The following ST8SIA2 variants were observed in gnomAD, a reference collection of about 807,000 sequenced individuals.
ST8SIA2 encodes the protein ST8 alpha-N-acetyl-neuraminide alpha-2,8-sialyltransferase 2, also known as alpha-2,8-sialyltransferase 8B.
In ST8SIA2, 22 loss-of-function variants were observed where a neutral mutation model predicts 37.6. The observed-to-expected ratio is 0.58, with a 90% confidence interval of 0.42 to 0.83. ST8SIA2 has a LOEUF of 0.83. Among genes scored for constraint, ST8SIA2 ranks in the 40% least tolerant of loss-of-function variants. The probability of loss-of-function intolerance (pLI) is 0.00; values close to 1 mark genes in which losing one functional copy is unlikely to be tolerated. For missense variants in ST8SIA2, 382 were observed against 484.7 expected, an observed-to-expected ratio of 0.79 and a Z score of 1.99; for synonymous variants, 205 against 201.2, an observed-to-expected ratio of 1.02 and a Z score of -0.16.
intron 1 of ST8SIA2, among the ~76,000 whole-genome samples, chr15:92,401,919 A>G (rs1360670075): frequency 6.6e-6 from 1 of 152,132 alleles, no homozygotes; most frequent in Non-Finnish European, 1.5e-5. Context: ...CAGAAAAAAA[A>G]AAAAAAGTGC....
chr15:92,427,543 CA>C (rs2049685819), intron 1 of ST8SIA2, among the ~76,000 whole-genome samples: 1 of 152,138 alleles, frequency 6.6e-6, no homozygotes, highest in African/African-American at 2.4e-5. Flanking sequence ...AATCTGTCGA[CA>C]TTTTTTTTTG....
At chr15:92,397,467 A>C (rs1289513498) in intron 1 of ST8SIA2, among the ~76,000 whole-genome samples, 1 of 152,198 alleles carries the variant, frequency 6.6e-6, no homozygotes, top group Non-Finnish European at 1.5e-5. Context: ...GGAGCTGACT[A>C]AGAAAACAAA....
intron 2 of ST8SIA2, among the ~76,000 whole-genome samples, chr15:92,430,815 A>G (rs2049710129): frequency 6.6e-6 from 1 of 152,206 alleles, no homozygotes; most frequent in Non-Finnish European, 1.5e-5. Context: ...AAGTTATATG[A>G]TGTAAACAAA....
intron 1 of ST8SIA2, among the ~76,000 whole-genome samples, chr15:92,400,924 T>G (rs1028283263): frequency 2.6e-5 from 4 of 152,152 alleles, no homozygotes; most frequent in African/African-American, 9.7e-5. Context: ...GTAAGAAATG[T>G]GAGGTCAGGT....
At chr15:92,419,570 T>C (rs1038066472) in intron 1 of ST8SIA2, among the ~76,000 whole-genome samples, 2 of 152,096 alleles carry the variant, frequency 1.3e-5, no homozygotes, top group Non-Finnish European at 2.9e-5. Flanking sequence ...TAATGGTGGC[T>C]GAATATAGGG....
At chr15:92,438,978 T>C (rs2141834790) in intron 4 of ST8SIA2, among the ~76,000 whole-genome samples, 1 of 152,348 alleles carries the variant, frequency 6.6e-6, no homozygotes, top group Middle Eastern at 3.4e-3. Flanking sequence ...CCCGTTTTCA[T>C]ATCATTGATG....
At position 92,438,380 on chromosome 15, in the gene ST8SIA2, T is replaced by C. The variant is rs149247264; in HGVS notation, c.318T>C (p.Ala106=). ...AGCAGATTTTAAAGTTCTTGGATGC[T>C]GAAAAGGACATTTCTGTCCTAAAGG... ...IRKQILKFLD[A]EKDISVLKGT... Residue 106 remains alanine (A), a synonymous_variant, in exon 4 of 6, where the codon GCT becomes GCC. Transcript: ENST00000268164. 1.7e-3 allele frequency: 2,707 copies of C among 1,614,216 alleles called. 6 individuals are homozygous for C. Among genetic ancestry groups the C allele is most frequent in the Non-Finnish European group, 2.0e-3 (2,335 of 1,180,032 alleles).
chr15:92,461,479 G>A (rs1213298355), intron 5 of ST8SIA2, among the ~76,000 whole-genome samples: 1 of 152,240 alleles, frequency 6.6e-6, no homozygotes, highest in Non-Finnish European at 1.5e-5. Context: ...AGCTCAGTGT[G>A]TAAGGCAGGC....
intron 1 of ST8SIA2, among the ~76,000 whole-genome samples, chr15:92,420,550 T>C (rs2049625588): frequency 6.6e-6 from 1 of 152,214 alleles, no homozygotes; most frequent in Non-Finnish European, 1.5e-5. Context: ...GGTACCTTTT[T>C]GTACACCAAT....
intron 2 of ST8SIA2, among the ~76,000 whole-genome samples, chr15:92,430,735 G>A (rs12910599): frequency 0.053 from 7,993 of 152,212 alleles, 305 homozygotes; most frequent in Non-Finnish European, 0.078. Context: ...CTCCATCAAT[G>A]ACAAGTGCCC....
intron 5 of ST8SIA2, among the ~76,000 whole-genome samples, chr15:92,457,018 C>T (rs1204953071): frequency 6.6e-6 from 1 of 152,216 alleles, no homozygotes; most frequent in Non-Finnish European, 1.5e-5. Flanking sequence ...TCTGAGATAT[C>T]CTGCAGCACA....
chr15:92,399,330 T>A (rs1455722910), intron 1 of ST8SIA2, among the ~76,000 whole-genome samples: 1 of 152,168 alleles, frequency 6.6e-6, no homozygotes, highest in African/African-American at 2.4e-5. Context: ...TCAGAACTGA[T>A]GCCATCCAGT....
intron 1 of ST8SIA2, among the ~76,000 whole-genome samples, chr15:92,396,556 C>T (rs1309544758): frequency 6.6e-6 from 1 of 151,696 alleles, no homozygotes. Context: ...TGCAGTGGCA[C>T]AATCTCGGCT....
intron 5 of ST8SIA2, among the ~76,000 whole-genome samples, chr15:92,448,634 A>G (rs2049859426): frequency 6.6e-6 from 1 of 152,182 alleles, no homozygotes; most frequent in African/African-American, 2.4e-5. Flanking sequence ...CATGTAATTA[A>G]TCAATCGTGC....
intron 4 of ST8SIA2, 40 bp downstream of exon 4, chr15:92,438,650 G>A (rs1350133319): frequency 6.4e-7 from 1 of 1,550,982 alleles, no homozygotes. Context: ...CAGAGCGGCG[G>A]GCAGGCTGTG....
At chr15:92,456,224 G>C (rs1267187865) in intron 5 of ST8SIA2, among the ~76,000 whole-genome samples, 1 of 152,236 alleles carries the variant, frequency 6.6e-6, no homozygotes, top group African/African-American at 2.4e-5. Context: ...CCTTTCTTTT[G>C]GTAACTTGCT....
At chr15:92,453,035 G>T (rs906562467) in intron 5 of ST8SIA2, among the ~76,000 whole-genome samples, 3 of 152,000 alleles carry the variant, frequency 2.0e-5, no homozygotes, top group Non-Finnish European at 4.4e-5. Flanking sequence ...CCTATCTGAG[G>T]CAGTGAGCAG....
At chr15:92,435,126 C>A (rs1433876640) in intron 3 of ST8SIA2, among the ~76,000 whole-genome samples, 1 of 152,056 alleles carries the variant, frequency 6.6e-6, no homozygotes, top group African/African-American at 2.4e-5. Flanking sequence ...GTGCTGGGGC[C>A]CCAGGAGTGC....
chr15:92,423,529 G>T (rs1314200188), intron 1 of ST8SIA2, among the ~76,000 whole-genome samples: 1 of 152,264 alleles, frequency 6.6e-6, no homozygotes, highest in Non-Finnish European at 1.5e-5. Context: ...AGTTCCGGAG[G>T]CTGAGAAGTC....
Sources: allele counts gnomAD v4.1 joint callset (sites outside exome capture counted in the v4.1 genomes callset), GRCh38; gene constraint gnomAD v4.1.1; transcripts MANE v1.5; gene names NCBI Gene and HGNC (gene_info 2026-07-23, HGNC 2026-07-21).